TNPO3: variants seen among roughly 807,000 people sequenced by gnomAD.
TNPO3 encodes the protein transportin-3.
In TNPO3, 65 loss-of-function variants were observed where a neutral mutation model predicts 122.8. The observed-to-expected ratio is 0.53, with a 90% CI of 0.43 to 0.65. TNPO3 has a LOEUF of 0.65. Among genes scored for constraint, TNPO3 ranks in the 30% least tolerant of loss-of-function variants. The pLI is 0.00. For missense variants in TNPO3, 850 were observed against 1,136.7 expected (o/e 0.75, Z 3.63); for synonymous variants, 372 against 411.2 (o/e 0.90, Z 1.15).
rs376493937 is a variant in TNPO3, at chr7:129,038,655, A to G, written c.120+15996T>C. On this transcript the variant is annotated intron_variant, in intron 1 of 22. Coordinates refer to ENST00000265388, the MANE Select transcript of TNPO3 (RefSeq NM_012470.4). Reference sequence around the variant, plus strand: ...CCATGGAATACTATGCAGCCATAAAAAAAGAATGAAATCATGTCCTCTGCA... The same window carrying G: ...CCATGGAATACTATGCAGCCATAAAGAAAGAATGAAATCATGTCCTCTGCA... 5.9e-5 allele frequency among the ~76,000 whole-genome samples: 9 copies of G among 152,364 alleles called. No homozygotes were observed. In the East Asian group the frequency reaches 1.7e-3, roughly 29 times the overall value.
In TNPO3 at chr7:128,986,831, A is replaced by G; in HGVS notation, c.1588T>C (p.Cys530Arg). Residue 530 changes from cysteine to arginine, a missense_variant, in exon 12 of 23, where the codon TGC becomes CGC. Coordinates refer to ENST00000265388, the MANE Select transcript of TNPO3 (RefSeq NM_012470.4). The stretch of plus-strand genomic sequence containing the variant: ...AAGTGCTGAGCCATGTGATCTCGGC[A>G]GACAGAGCAAATGTTATGAATGGCT... ...AKAIHNICSV[C>R]RDHMAQHFNG... 6.2e-7 allele frequency: 1 copy of G among 1,614,172 alleles called. No homozygotes were observed. Among genetic ancestry groups the G allele is most frequent in the Non-Finnish European group, 8.5e-7 (1 of 1,180,016 alleles).
chr7:129,023,720 A>G (rs1804794803), intron 1 of TNPO3, among the ~76,000 whole-genome samples: 1 of 152,212 alleles, frequency 6.6e-6, no homozygotes, highest in African/African-American at 2.4e-5. Context: ...TTACAAGCAG[A>G]CATAAACTCA....
At chr7:128,998,578 C>A (rs112173339) in intron 7 of TNPO3, among the ~76,000 whole-genome samples, 7,244 of 152,144 alleles carry the variant, frequency 0.048, 576 homozygotes, top group African/African-American at 0.17. Flanking sequence ...GGCTGGAGTA[C>A]AGTGGTGTAA....
chr7:128,957,078 C>T (rs1217723835), intron 22 of TNPO3, 146 bp downstream of exon 22: 1 of 685,006 alleles, frequency 1.5e-6, no homozygotes, highest in Non-Finnish European at 2.5e-6. Context: ...TATATTCCAG[C>T]TGTTCACCAC....
chr7:129,034,932 A>T (rs1348903995), intron 1 of TNPO3, among the ~76,000 whole-genome samples: 2 of 151,076 alleles, frequency 1.3e-5, no homozygotes, highest in African/African-American at 4.9e-5. Flanking sequence ...CAGAAGCAAA[A>T]GAAAATCATC....
rs1178158271 is a variant in TNPO3 at position 128,957,330 on chromosome 7, G to A, written c.2712-15C>T. 2 of 1,613,900 alleles carry A rather than the reference G, an allele frequency of 1.2e-6. No homozygotes were observed. The highest frequency in any genetic ancestry group is 2.7e-5 in the African/African-American group (2 of 74,910). ...ATTCCTCAGCACTAGAAAAGAAAAG[G>A]TAGGTTGGTCCTTGACTGAGGAGAA... On this transcript the variant is annotated splice_polypyrimidine_tract_variant and intron_variant, in intron 21 of 22. Coordinates refer to ENST00000265388, the MANE Select transcript of TNPO3 (RefSeq NM_012470.4).
At chr7:128,960,149 C>T (rs895409378) in intron 21 of TNPO3, among the ~76,000 whole-genome samples, 2 of 152,158 alleles carry the variant, frequency 1.3e-5, no homozygotes, top group African/African-American at 4.8e-5. Context: ...CTGCATGTTG[C>T]GTTACTCACA....
chr7:128,969,685 G>T (rs377622247), intron 20 of TNPO3, among the ~76,000 whole-genome samples: 1 of 152,156 alleles, frequency 6.6e-6, no homozygotes, highest in Non-Finnish European at 1.5e-5. Flanking sequence ...ATCCAAAGGG[G>T]AAATATATCC....
chr7:128,992,222 G>A, intron 9 of TNPO3, 132 bp from the exon 10 acceptor site: 1 of 468,664 alleles, frequency 2.1e-6, no homozygotes, highest in Non-Finnish European at 3.8e-6. Context: ...AGCCAGATGA[G>A]AATATTATTT....
At chr7:128,996,539 C>T (rs1801335495) in intron 8 of TNPO3, among the ~76,000 whole-genome samples, 1 of 151,764 alleles carries the variant, frequency 6.6e-6, no homozygotes, top group African/African-American at 2.4e-5. Context: ...GTCAGGAGAT[C>T]GAGACCATCC....
chr7:128,972,385 T>C, intron 19 of TNPO3, 41 bp downstream of exon 19: 1 of 1,582,962 alleles, frequency 6.3e-7, no homozygotes, highest in Non-Finnish European at 8.6e-7. Context: ...AGATAGGAGA[T>C]AAAAGCTGTT....
At chr7:128,994,895 C>T (rs540831966) in intron 8 of TNPO3, among the ~76,000 whole-genome samples, 2 of 152,142 alleles carry the variant, frequency 1.3e-5, no homozygotes, top group South Asian at 2.1e-4. Context: ...TGAGCTCAAG[C>T]GATCTGCCCG....
intron 8 of TNPO3, 44 bp from the exon 9 acceptor site, chr7:128,993,958 G>C (rs1385740260): frequency 1.3e-6 from 2 of 1,522,538 alleles, no homozygotes; most frequent in Non-Finnish European, 9.1e-7. Flanking sequence ...ACTCACTGCG[G>C]CTTTCAATGA....
intron 12 of TNPO3, 121 bp downstream of exon 12, chr7:128,986,608 C>T (rs1464759126): frequency 1.1e-6 from 1 of 888,876 alleles, no homozygotes; most frequent in African/African-American, 1.7e-5. Context: ...CCATCTTCCT[C>T]ATCTTATAAA....
At chr7:128,972,052 A>G (rs1321721553) in intron 19 of TNPO3, among the ~76,000 whole-genome samples, 2 of 152,214 alleles carry the variant, frequency 1.3e-5, no homozygotes, top group Non-Finnish European at 2.9e-5. Context: ...GCTACTCAGT[A>G]GCTGAGGATC....
chr7:129,037,995 T>C (rs1221617356), intron 1 of TNPO3, among the ~76,000 whole-genome samples: 1 of 152,096 alleles, frequency 6.6e-6, no homozygotes, highest in Non-Finnish European at 1.5e-5. Context: ...ACAGAAATGC[T>C]AAAGACTAGG....
chr7:128,994,181 G>C (rs1030639188), intron 8 of TNPO3, among the ~76,000 whole-genome samples: 35 of 151,788 alleles, frequency 2.3e-4, no homozygotes, highest in Admixed American at 2.3e-3. Context: ...TTTTTGAGAC[G>C]GAAGCTCACT....
chr7:129,006,650 T>C (rs1480955252), intron 4 of TNPO3, among the ~76,000 whole-genome samples: 1 of 152,224 alleles, frequency 6.6e-6, no homozygotes, highest in Non-Finnish European at 1.5e-5. Context: ...TGAAATCCCA[T>C]AATGTATTAT....
intron 1 of TNPO3, among the ~76,000 whole-genome samples, chr7:129,022,777 T>C (rs1182466209): frequency 1.3e-5 from 2 of 152,136 alleles, no homozygotes; most frequent in Non-Finnish European, 2.9e-5. Context: ...TTATGTCAAG[T>C]CAAACCGATT....
Sources: allele counts gnomAD v4.1 joint callset (sites outside exome capture counted in the v4.1 genomes callset), GRCh38; gene constraint gnomAD v4.1.1; transcripts MANE v1.5; gene names NCBI Gene and HGNC (gene_info 2026-07-23, HGNC 2026-07-21).